The following CDKL1 variants were observed in gnomAD, a reference collection of about 807,000 sequenced individuals.
CDKL1 encodes cyclin-dependent kinase-like 1.
CDKL1 carries 41 observed loss-of-function variants against 42.0 expected under a neutral mutation model. The observed-to-expected ratio is 0.98, with a 90% CI of 0.76 to 1.27. The LOEUF (loss-of-function observed/expected upper bound fraction) is 1.27, where lower values mean the gene tolerates loss of function less well. CDKL1 is among the 50% of genes most tolerant of loss of function. CDKL1 has a pLI of 0.00. For missense variants in CDKL1, 394 were observed against 428.4 expected (o/e 0.92, Z 0.71); for synonymous variants, 153 against 158.6 (o/e 0.96, Z 0.26).
chr14:50,390,229 A>G, intron 2 of CDKL1: 4 of 1,365,126 alleles, frequency 2.9e-6, no homozygotes, highest in Non-Finnish European at 3.9e-6. Flanking sequence ...TGCTGCTTTC[A>G]GCCCTTGACC....
chr14:50,344,975 A>C lies in CDKL1; in HGVS notation c.363+11T>G, dbSNP rs763514764. 1.9e-6 allele frequency: 3 copies of C among 1,609,970 alleles called. No homozygotes were observed. Among genetic ancestry groups the C allele is most frequent in the Admixed American group, 1.7e-5 (1 of 59,972 alleles). Reference sequence around the variant, plus strand: ...GCCTTGTTGCTTTTCAAAAGAGATCATGAGACTTACATTGTGTTTATGGCA... The same window carrying C: ...GCCTTGTTGCTTTTCAAAAGAGATCCTGAGACTTACATTGTGTTTATGGCA... On this transcript the variant is annotated intron_variant, in intron 4 of 9. Transcript: ENST00000395834.
intron 3 of CDKL1, among the ~76,000 whole-genome samples, chr14:50,357,812 C>CTT (rs2034101031): frequency 6.6e-6 from 1 of 152,202 alleles, no homozygotes; most frequent in Admixed American, 6.5e-5. Flanking sequence ...TGTGGCCATG[C>CTT]TTTCTATTTT....
At chr14:50,374,854 A>G (rs1302096102) in intron 2 of CDKL1, among the ~76,000 whole-genome samples, 1 of 152,190 alleles carries the variant, frequency 6.6e-6, no homozygotes, top group Admixed American at 6.5e-5. Context: ...AGAAGGAACC[A>G]GGGATCCATG....
chr14:50,333,266 T>C (rs1470475729), intron 8 of CDKL1: 1 of 152,156 alleles, frequency 6.6e-6, no homozygotes, highest in Non-Finnish European at 1.5e-5. Flanking sequence ...GCACAAAATA[T>C]AGGTCACAAT....
At chr14:50,346,523 C>T (rs974815395) in intron 3 of CDKL1, among the ~76,000 whole-genome samples, 3 of 151,722 alleles carry the variant, frequency 2.0e-5, no homozygotes, top group African/African-American at 7.3e-5. Context: ...GGCAGTGGTG[C>T]TATCATAGCT....
chr14:50,342,933 C>T (rs11570830), intron 4 of CDKL1: 3 of 1,354,080 alleles, frequency 2.2e-6, no homozygotes, highest in Non-Finnish European at 2.0e-6. Context: ...TAGATGTCAG[C>T]TCTGTCCCAC....
chr14:50,389,505 C>G (rs2035189685), intron 2 of CDKL1, among the ~76,000 whole-genome samples: 1 of 152,044 alleles, frequency 6.6e-6, no homozygotes, highest in South Asian at 2.1e-4. Flanking sequence ...TGCCAAGAAC[C>G]AATTTTCACC....
chr14:50,366,845 T>C (rs1242222434), intron 2 of CDKL1, among the ~76,000 whole-genome samples: 2 of 151,008 alleles, frequency 1.3e-5, no homozygotes, highest in Non-Finnish European at 2.9e-5. Context: ...CTGGGGCAGA[T>C]GGTGATGCCA....
chr14:50,362,916 C>G, intron 2 of CDKL1: 3 of 455,496 alleles, frequency 6.6e-6, no homozygotes, highest in South Asian at 1.6e-5. Context: ...ACTGTGGAAG[C>G]TTTGTTCTTT....
intron 2 of CDKL1, among the ~76,000 whole-genome samples, chr14:50,366,040 T>C (rs1440794302): frequency 6.6e-6 from 1 of 152,198 alleles, no homozygotes; most frequent in Non-Finnish European, 1.5e-5. Context: ...CGGCCTGTTG[T>C]GGGACTTCAT....
rs201641078 is a variant in CDKL1, at chr14:50,332,398, G to A, written c.830C>T (p.Thr277Ile). 50 of 1,613,934 alleles carry A rather than the reference G, an allele frequency of 3.1e-5. No homozygotes were observed. The highest frequency in any genetic ancestry group is 3.5e-5 in the Non-Finnish European group (41 of 1,179,994). ...TGGGTGATGCAACAGCTGTTCACAT[G>A]TCAGCCTTTGAGTAGGGTCCATGTG... ...CLHMDPTQRL[T>I]CEQLLHHPYF... is the part of the protein sequence containing the mutation. The change falls in exon 9 of 10, where the codon ACA becomes ATA. Residue 277 changes from threonine to isoleucine, a missense_variant. Coordinates refer to ENST00000395834, the MANE Select transcript of CDKL1 (RefSeq NM_004196.7).
At chr14:50,395,081 A>G (rs2035360454) in intron 2 of CDKL1, among the ~76,000 whole-genome samples, 1 of 152,248 alleles carries the variant, frequency 6.6e-6, no homozygotes, top group South Asian at 2.1e-4. Context: ...TATGAGGTGT[A>G]ATGAGAATCT....
At chr14:50,333,870 A>G (rs11570864) in intron 8 of CDKL1, 36 of 151,156 alleles carry the variant, frequency 2.4e-4, no homozygotes, top group Middle Eastern at 3.4e-3. Flanking sequence ...CATTTTACAT[A>G]AGAGCTATAT....
At chr14:50,331,399 T>TATG (rs1183675163) in intron 9 of CDKL1, 6 of 152,588 alleles carry the variant, frequency 3.9e-5, no homozygotes, top group Admixed American at 3.9e-4. Flanking sequence ...CTGGGTCACA[T>TATG]ATGATGGAGA....
intron 2 of CDKL1, among the ~76,000 whole-genome samples, chr14:50,393,965 A>G (rs2035330889): frequency 6.6e-6 from 1 of 152,168 alleles, no homozygotes. Flanking sequence ...TTGGAGGCCT[A>G]GATGTGCCAA....
intron 2 of CDKL1, among the ~76,000 whole-genome samples, chr14:50,392,452 A>AAATAATAAT (rs56882058): frequency 0.019 from 2,529 of 134,446 alleles, 35 homozygotes; most frequent in East Asian, 0.025. Context: ...TCCAAAAAAG[A>AAATAATAAT]AATAATAATA....
At chr14:50,351,938 A>G (rs1360849034) in intron 3 of CDKL1, among the ~76,000 whole-genome samples, 3 of 152,210 alleles carry the variant, frequency 2.0e-5, no homozygotes, top group African/African-American at 7.2e-5. Context: ...TTGGAGGATT[A>G]GAACAGGAAG....
At chr14:50,343,776 C>A (rs771122477) in intron 4 of CDKL1, among the ~76,000 whole-genome samples, 1 of 152,166 alleles carries the variant, frequency 6.6e-6, no homozygotes, top group Non-Finnish European at 1.5e-5. Flanking sequence ...CTTGCTCCCC[C>A]ATCCTAAAAC....
intron 2 of CDKL1, among the ~76,000 whole-genome samples, chr14:50,392,441 C>A (rs924767210): frequency 1.5e-5 from 2 of 132,538 alleles, no homozygotes; most frequent in Non-Finnish European, 3.2e-5. Flanking sequence ...GTGAGACTGT[C>A]TCCAAAAAAG....
Sources: gnomAD v4.1 joint callset for allele counts (sites outside exome capture counted in the v4.1 genomes callset) on GRCh38, gnomAD v4.1.1 for gene constraint, MANE v1.5 for transcripts, NCBI Gene and HGNC (gene_info 2026-07-23, HGNC 2026-07-21) for gene names.